SLC25A13: variants seen among roughly 807,000 people sequenced by gnomAD.
SLC25A13 encodes the protein solute carrier family 25 member 13.
SLC25A13 carries 70 observed loss-of-function variants against 85.5 expected under a neutral mutation model. That is an observed-to-expected ratio of 0.82 (90% CI 0.68 to 1.00). SLC25A13 has a LOEUF of 1.00. Ranked by LOEUF, SLC25A13 falls within the 50% of genes least tolerant of loss-of-function variation. SLC25A13 has a pLI of 0.00. For synonymous variants in SLC25A13, 259 were observed against 288.7 expected (o/e 0.90, Z 1.04); for missense variants, 765 against 819.8 (o/e 0.93, Z 0.82).
intron 2 of SLC25A13, among the ~76,000 whole-genome samples, chr7:96,293,025 A>T (rs1799187824): frequency 6.6e-6 from 1 of 152,230 alleles, no homozygotes; most frequent in African/African-American, 2.4e-5. Context: ...CCTGACTTCA[A>T]ACTATACTAC....
chr7:96,133,267 C>G (rs565519370), intron 14 of SLC25A13, among the ~76,000 whole-genome samples: 1 of 152,172 alleles, frequency 6.6e-6, no homozygotes, highest in East Asian at 1.9e-4. Context: ...TACTGCCAAC[C>G]GGCTCAGGCT....
chr7:96,124,983 C>T (rs1421621323), intron 15 of SLC25A13, among the ~76,000 whole-genome samples: 2 of 152,206 alleles, frequency 1.3e-5, no homozygotes, highest in Admixed American at 6.5e-5. Context: ...CTCCCAAAAA[C>T]CAACCATTCT....
At chr7:96,224,221 A>G (rs1303763288) in intron 4 of SLC25A13, among the ~76,000 whole-genome samples, 1 of 152,090 alleles carries the variant, frequency 6.6e-6, no homozygotes, top group East Asian at 1.9e-4. Flanking sequence ...AAGCCTAAAT[A>G]ATGATCACTG....
intron 3 of SLC25A13, among the ~76,000 whole-genome samples, chr7:96,251,193 G>A (rs1170287446): frequency 2.0e-5 from 3 of 152,128 alleles, no homozygotes; most frequent in East Asian, 1.9e-4. Flanking sequence ...GACCAAGCAC[G>A]GCAAGCACGG....
rs549877438 is a variant in SLC25A13, at chr7:96,169,623, A to C, written c.1311+422T>G. 4.6e-5 allele frequency among the ~76,000 whole-genome samples: 7 copies of C among 152,318 alleles called. No homozygotes were observed. The East Asian group carries it at 1.4e-3, about 29-fold the overall frequency. On this transcript the variant is annotated intron_variant, in intron 13 of 17. Coordinates refer to ENST00000265631, the MANE Select transcript of SLC25A13 (RefSeq NM_014251.3). ...CAGTGGAAGCTTGAACAGTTCTGCCACTTGCAAGGCAAAGCCAAGCAGAGA... is the reference window on the plus strand; with the variant it reads ...CAGTGGAAGCTTGAACAGTTCTGCCCCTTGCAAGGCAAAGCCAAGCAGAGA...
chr7:96,198,852 G>T (rs970935927), intron 5 of SLC25A13, among the ~76,000 whole-genome samples: 1 of 152,144 alleles, frequency 6.6e-6, no homozygotes, highest in Admixed American at 6.6e-5. Flanking sequence ...TACCACAAAG[G>T]AAAATACTTA....
At chr7:96,141,290 T>C (rs1434558237) in intron 14 of SLC25A13, among the ~76,000 whole-genome samples, 1 of 152,178 alleles carries the variant, frequency 6.6e-6, no homozygotes, top group Non-Finnish European at 1.5e-5. Flanking sequence ...CCTGAAATAC[T>C]GAGATTACAG....
intron 3 of SLC25A13, among the ~76,000 whole-genome samples, chr7:96,269,432 T>C (rs957077714): frequency 2.0e-5 from 3 of 152,228 alleles, no homozygotes; most frequent in African/African-American, 4.8e-5. Context: ...ACAGAGACAG[T>C]TGACAACAGG....
chr7:96,125,753 G>T (rs548040912), intron 15 of SLC25A13, among the ~76,000 whole-genome samples: 2,071 of 136,756 alleles, frequency 0.015, 48 homozygotes, highest in African/African-American at 0.051. Context: ...TTCTAGAGGG[G>T]TTTTTTTTTT....
chr7:96,273,879 T>A (rs1798339254), intron 3 of SLC25A13, among the ~76,000 whole-genome samples: 1 of 152,214 alleles, frequency 6.6e-6, no homozygotes, highest in South Asian at 2.1e-4. Context: ...ACAACTAGAT[T>A]TTCCACAGAA....
intron 6 of SLC25A13, 71 bp from the exon 7 acceptor site, chr7:96,191,318 A>C (rs959412040): frequency 6.6e-7 from 1 of 1,503,904 alleles, no homozygotes; most frequent in Non-Finnish European, 9.2e-7. Flanking sequence ...AAGTACATAC[A>C]TCTAAAACTA....
intron 4 of SLC25A13, among the ~76,000 whole-genome samples, chr7:96,233,089 C>T (rs1796616955): frequency 6.6e-6 from 1 of 152,204 alleles, no homozygotes; most frequent in Admixed American, 6.5e-5. Flanking sequence ...GGATCTATAT[C>T]AAGGAACTAC....
At position 96,206,663 on chromosome 7, in the gene SLC25A13, T is replaced by C. The variant is rs1193208200; in HGVS notation, c.468+2175A>G. ...AAAAGTTCAGTACTTCTATTCTGGC[T>C]ACAGAGGCAAAATCATCCCACATAG... On this transcript the variant is annotated intron_variant, in intron 5 of 17. Coordinates refer to ENST00000265631, the MANE Select transcript of SLC25A13 (RefSeq NM_014251.3). Among the ~76,000 whole-genome samples the C allele has an allele frequency of 3.3e-5, 5 of 152,318 alleles. No homozygotes were observed. In the East Asian group the frequency reaches 9.6e-4, roughly 29 times the overall value.
chr7:96,219,876 T>A (rs1796043975), intron 4 of SLC25A13: 1 of 405,030 alleles, frequency 2.5e-6, no homozygotes, highest in Non-Finnish European at 5.0e-6. Flanking sequence ...TGGCAGATAT[T>A]TAGCGTAAGA....
Position 96,167,133 on chromosome 7 carries a change from T to C in SLC25A13, c.1311+2912A>G, listed in dbSNP as rs1022875925. Among the ~76,000 whole-genome samples the C allele has an allele frequency of 2.0e-5, 3 of 152,210 alleles. No individual in the cohort carries two copies. The South Asian group carries it at 6.2e-4, about 31-fold the overall frequency. On this transcript the variant is annotated intron_variant, in intron 13 of 17. Transcript: ENST00000265631. ...CTGTTAAAGTGTGAATCTATAAAAA[T>C]GCTCAGAAAACTGAAGTCAATTTTT...
chr7:96,222,065 T>A (rs1385353202), intron 4 of SLC25A13, among the ~76,000 whole-genome samples: 1 of 152,252 alleles, frequency 6.6e-6, no homozygotes, highest in Non-Finnish European at 1.5e-5. Context: ...AGATTTATTT[T>A]TTCCGCAGGA....
intron 14 of SLC25A13, among the ~76,000 whole-genome samples, chr7:96,136,507 G>A (rs1792294417): frequency 6.6e-6 from 1 of 152,134 alleles, no homozygotes; most frequent in South Asian, 2.1e-4. Context: ...GCATGCTGTT[G>A]CACATGCACA....
intron 2 of SLC25A13, among the ~76,000 whole-genome samples, chr7:96,279,592 C>A (rs979462149): frequency 1.3e-5 from 2 of 152,096 alleles, no homozygotes; most frequent in Non-Finnish European, 2.9e-5. Context: ...GGAAACCACC[C>A]CCATGACTCA....
At chr7:96,258,049 G>A (rs968383359) in intron 3 of SLC25A13, among the ~76,000 whole-genome samples, 2 of 152,118 alleles carry the variant, frequency 1.3e-5, no homozygotes, top group African/African-American at 4.8e-5. Flanking sequence ...AATAAACCAG[G>A]TATTCATGGA....
Sources: allele counts gnomAD v4.1 joint callset (sites outside exome capture counted in the v4.1 genomes callset), GRCh38; gene constraint gnomAD v4.1.1; transcripts MANE v1.5; gene names NCBI Gene and HGNC (gene_info 2026-07-23, HGNC 2026-07-21).